Variants in RAB2A observed in about 807,000 individuals in gnomAD.
The protein encoded by RAB2A is RAB2A, member RAS oncogene family.
RAB2A carries 7 observed loss-of-function variants against 32.5 expected under a neutral mutation model. The observed-to-expected ratio is 0.22, with a 90% CI of 0.12 to 0.40. RAB2A has a LOEUF of 0.40. RAB2A is among the 10% of genes least tolerant of loss of function. The pLI, the probability that RAB2A is intolerant of heterozygous loss-of-function variation, is 1.00. For missense variants in RAB2A, 108 were observed against 260.7 expected (o/e 0.41, Z 4.03); for synonymous variants, 79 against 85.2 (o/e 0.93, Z 0.40).
intron 3 of RAB2A, among the ~76,000 whole-genome samples, chr8:60,579,436 T>C (rs2130845651): frequency 6.6e-6 from 1 of 152,326 alleles, no homozygotes; most frequent in East Asian, 1.9e-4. Context: ...GTTTGTTTTG[T>C]GGTGCTGTTC....
At chr8:60,620,138 G>C (rs566287463) in intron 7 of RAB2A, among the ~76,000 whole-genome samples, 1 of 152,342 alleles carries the variant, frequency 6.6e-6, no homozygotes, top group African/African-American at 2.4e-5. Context: ...GAGGGAGTGA[G>C]GGTTAAGACA....
chr8:60,551,823 A>G (rs906891164), intron 1 of RAB2A: 3 of 150,164 alleles, frequency 2.0e-5, no homozygotes, highest in Non-Finnish European at 4.4e-5. Flanking sequence ...CCTCTTGAGT[A>G]GCTAGGACTA....
intron 1 of RAB2A, among the ~76,000 whole-genome samples, chr8:60,524,584 C>G (rs1426596663): frequency 3.9e-5 from 6 of 152,172 alleles, no homozygotes; most frequent in African/African-American, 1.2e-4. Flanking sequence ...TAAGAGATCC[C>G]TGGCAAAAAG....
chr8:60,552,542 TACTC>T (rs1807871211), intron 1 of RAB2A: 1 of 152,206 alleles, frequency 6.6e-6, no homozygotes, highest in South Asian at 2.1e-4. Flanking sequence ...TCTAAACAGA[TACTC>T]AGATGTTAAA....
intron 2 of RAB2A, among the ~76,000 whole-genome samples, chr8:60,566,787 G>A (rs1297195066): frequency 2.0e-5 from 3 of 152,032 alleles, no homozygotes; most frequent in African/African-American, 7.2e-5. Flanking sequence ...GGAGTTCCCA[G>A]TATCTGTTAT....
chr8:60,618,011 A>C (rs1452092365), intron 6 of RAB2A, among the ~76,000 whole-genome samples: 10 of 152,314 alleles, frequency 6.6e-5, no homozygotes, highest in Admixed American at 4.6e-4. Context: ...CATTTAGCAC[A>C]GTGTTTTCAA....
chr8:60,543,825 G>A (rs1249375979), intron 1 of RAB2A, among the ~76,000 whole-genome samples: 3 of 152,118 alleles, frequency 2.0e-5, no homozygotes, highest in Non-Finnish European at 4.4e-5. Flanking sequence ...GGGAGGCTAA[G>A]GCAGGTGGAT....
At chr8:60,550,045 T>G (rs1563466818) in intron 1 of RAB2A, among the ~76,000 whole-genome samples, 2 of 152,328 alleles carry the variant, frequency 1.3e-5, no homozygotes. Flanking sequence ...CTGAATGTCT[T>G]TCTTGAAATC....
chr8:60,562,792 G>A (rs1182206925), intron 2 of RAB2A, among the ~76,000 whole-genome samples: 1 of 152,106 alleles, frequency 6.6e-6, no homozygotes, highest in Non-Finnish European at 1.5e-5. Context: ...CGACCCAGTT[G>A]CTCTTCCTCT....
chr8:60,601,345 T>A (rs531460375), intron 6 of RAB2A, among the ~76,000 whole-genome samples: 3 of 152,040 alleles, frequency 2.0e-5, no homozygotes, highest in African/African-American at 7.2e-5. Context: ...TTATTTTCTT[T>A]CTTTTTTTTT....
At chr8:60,618,761 A>G (rs1804487862) in intron 7 of RAB2A, 113 bp downstream of exon 7, 1 of 362,462 alleles carries the variant, frequency 2.8e-6, no homozygotes, top group Non-Finnish European at 4.1e-6. Flanking sequence ...AATTCCTAAA[A>G]TCAATCATGA....
At chr8:60,609,913 C>T (rs990403878) in intron 6 of RAB2A, among the ~76,000 whole-genome samples, 8 of 142,720 alleles carry the variant, frequency 5.6e-5, no homozygotes, top group South Asian at 2.2e-4. Flanking sequence ...GAGCTGAGAT[C>T]ATGCCACTGC....
At chr8:60,553,089 T>A (rs1362527620) in intron 1 of RAB2A, 1 of 152,032 alleles carries the variant, frequency 6.6e-6, no homozygotes, top group East Asian at 1.9e-4. Context: ...AGATAGGCGT[T>A]GAAAAAAGAA....
chr8:60,576,159 T>G, intron 3 of RAB2A: 2 of 454,122 alleles, frequency 4.4e-6, no homozygotes, highest in South Asian at 3.1e-5. Flanking sequence ...GCACTGACAC[T>G]TGGCCCTTTA....
At chr8:60,554,072 A>T in intron 1 of RAB2A, among the ~76,000 whole-genome samples, 1 of 152,252 alleles carries the variant, frequency 6.6e-6, no homozygotes, top group Admixed American at 6.5e-5. Context: ...TTTCAGCTCA[A>T]AAAGAACCTT....
At chr8:60,613,668 A>G (rs142056965) in intron 6 of RAB2A, among the ~76,000 whole-genome samples, 22 of 152,324 alleles carry the variant, frequency 1.4e-4, no homozygotes, top group African/African-American at 4.8e-4. Context: ...ACTTCATCCC[A>G]CAAATACAGA....
chr8:60,589,025 A>C lies in RAB2A; in HGVS notation c.363-2833A>C, dbSNP rs1803892441. ...TTCCACATTTAAATCATCTCACTAA[A>C]CCTTTTTAAGGTTATAAAGCTATTG... On this transcript the variant is annotated intron_variant, in intron 5 of 7. Coordinates refer to ENST00000262646, the MANE Select transcript of RAB2A (RefSeq NM_002865.3). 2.6e-5 allele frequency among the ~76,000 whole-genome samples: 4 copies of C among 152,090 alleles called. 1 individual carries two copies. The South Asian group carries it at 8.3e-4, about 32-fold the overall frequency.
chr8:60,560,975 G>T (rs930117355), intron 2 of RAB2A, among the ~76,000 whole-genome samples: 3 of 152,146 alleles, frequency 2.0e-5, no homozygotes, highest in Non-Finnish European at 4.4e-5. Flanking sequence ...GCAGGCACTG[G>T]GAAATAAGAG....
At chr8:60,561,062 C>T (rs1436455229) in intron 2 of RAB2A, among the ~76,000 whole-genome samples, 2 of 152,210 alleles carry the variant, frequency 1.3e-5, no homozygotes, top group Admixed American at 6.5e-5. Flanking sequence ...GGCTCCAGCC[C>T]CTGCCTGGCA....
Sources: allele counts gnomAD v4.1 joint callset (sites outside exome capture counted in the v4.1 genomes callset), GRCh38; gene constraint gnomAD v4.1.1; transcripts MANE v1.5; gene names NCBI Gene and HGNC (gene_info 2026-07-23, HGNC 2026-07-21).